The following MYO18B variants were observed in gnomAD, a reference collection of about 807,000 sequenced individuals.
MYO18B encodes the protein myosin XVIIIB, also known as unconventional myosin-XVIIIb.
MYO18B carries 204 observed loss-of-function variants against 273.0 expected under a neutral mutation model. The observed-to-expected ratio is 0.75, with a 90% CI of 0.67 to 0.84. The LOEUF is 0.84. Ranked by LOEUF, MYO18B falls within the 40% of genes least tolerant of loss-of-function variation. The pLI, the probability that MYO18B is intolerant of heterozygous loss-of-function variation, is 0.00. For synonymous variants in MYO18B, 1,330 were observed against 1,305.7 expected (o/e 1.02, Z -0.40); for missense variants, 3,212 against 3,287.6 (o/e 0.98, Z 0.56).
intron 39 of MYO18B, among the ~76,000 whole-genome samples, chr22:25,961,538 T>C (rs1051484793): frequency 3.3e-5 from 5 of 152,128 alleles, no homozygotes; most frequent in Middle Eastern, 3.2e-3. Flanking sequence ...ATGGAGAAAA[T>C]AATATTCTGG....
At chr22:25,823,439 C>G in intron 12 of MYO18B, 66 bp from the exon 13 acceptor site, 1 of 1,522,036 alleles carries the variant, frequency 6.6e-7, no homozygotes, top group Non-Finnish European at 8.9e-7. Context: ...CCGAGGTCCT[C>G]TCGGGTGTTC....
chr22:25,904,471 G>T (rs2092000348), intron 31 of MYO18B, among the ~76,000 whole-genome samples: 1 of 152,182 alleles, frequency 6.6e-6, no homozygotes, highest in Admixed American at 6.5e-5. Flanking sequence ...AAAGTATCAG[G>T]GATGGGATTT....
intron 21 of MYO18B, among the ~76,000 whole-genome samples, chr22:25,857,677 A>G (rs770372576): frequency 5.3e-5 from 8 of 152,188 alleles, no homozygotes; most frequent in Non-Finnish European, 8.8e-5. Context: ...TTTTTGAGAC[A>G]GAGTCTCGCT....
At chr22:25,833,032 T>C (rs1471615271) in intron 16 of MYO18B, 35 bp downstream of exon 16, 1 of 1,583,374 alleles carries the variant, frequency 6.3e-7, no homozygotes, top group African/African-American at 1.3e-5. Flanking sequence ...GGCTCTCAGA[T>C]GCCAGTTGGC....
At chr22:25,995,464 T>C (rs915392801) in intron 40 of MYO18B, among the ~76,000 whole-genome samples, 4 of 152,214 alleles carry the variant, frequency 2.6e-5, no homozygotes, top group African/African-American at 9.7e-5. Context: ...TTCCATGATA[T>C]GGTTGTTATG....
At chr22:25,910,511 C>CA (rs150661386) in intron 32 of MYO18B, among the ~76,000 whole-genome samples, 3,283 of 152,176 alleles carry the variant, frequency 0.022, 101 homozygotes, top group African/African-American at 0.076. Context: ...TTTATAACAC[C>CA]AAAAAATCTC....
intron 34 of MYO18B, among the ~76,000 whole-genome samples, chr22:25,932,830 T>G (rs565384934): frequency 1.3e-5 from 2 of 151,738 alleles, no homozygotes; most frequent in East Asian, 3.9e-4. Flanking sequence ...GCAAAGAATT[T>G]TTTTTTTTGT....
intron 17 of MYO18B, among the ~76,000 whole-genome samples, chr22:25,837,139 C>T (rs1470399284): frequency 1.3e-5 from 2 of 152,080 alleles, no homozygotes; most frequent in Non-Finnish European, 2.9e-5. Flanking sequence ...CAGCCACTGT[C>T]CTAGCCCAGG....
chr22:25,992,078 A>G (rs950799824), intron 39 of MYO18B, among the ~76,000 whole-genome samples: 5 of 152,198 alleles, frequency 3.3e-5, no homozygotes, highest in Non-Finnish European at 5.9e-5. Flanking sequence ...GATTCAGAGC[A>G]TGGCCCTGGG....
At chr22:25,933,349 C>T (rs2092533979) in intron 34 of MYO18B, among the ~76,000 whole-genome samples, 1 of 152,162 alleles carries the variant, frequency 6.6e-6, no homozygotes, top group Non-Finnish European at 1.5e-5. Context: ...CTGGCCCCAC[C>T]CTCCACCTGG....
intron 9 of MYO18B, among the ~76,000 whole-genome samples, chr22:25,781,263 C>A (rs1163111250): frequency 1.3e-5 from 2 of 152,082 alleles, no homozygotes; most frequent in Non-Finnish European, 2.9e-5. Context: ...TTGAGAAGTT[C>A]TGACGTGGAG....
intron 21 of MYO18B, 107 bp downstream of exon 21, chr22:25,851,686 A>G: frequency 1.2e-6 from 1 of 825,412 alleles, no homozygotes; most frequent in Non-Finnish European, 2.0e-6. Flanking sequence ...CTGTAATCTC[A>G]GTGCTTTGGG....
At chr22:25,775,901 A>G (rs2086896332) in intron 7 of MYO18B, among the ~76,000 whole-genome samples, 1 of 151,224 alleles carries the variant, frequency 6.6e-6, no homozygotes, top group African/African-American at 2.4e-5. Flanking sequence ...AAAAAAAATC[A>G]GGCTTACATT....
intron 29 of MYO18B, among the ~76,000 whole-genome samples, chr22:25,900,111 A>C (rs2091902407): frequency 6.6e-6 from 1 of 152,066 alleles, no homozygotes; most frequent in African/African-American, 2.4e-5. Flanking sequence ...GGCACTTATG[A>C]ATCTCCCCAG....
chr22:25,871,198 G>A (rs2091036274), intron 22 of MYO18B, among the ~76,000 whole-genome samples: 1 of 152,082 alleles, frequency 6.6e-6, no homozygotes, highest in Non-Finnish European at 1.5e-5. Flanking sequence ...CCACACCCAG[G>A]CTCCACCACT....
chr22:25,971,937 C>A (rs921167104), intron 39 of MYO18B, among the ~76,000 whole-genome samples: 4 of 151,434 alleles, frequency 2.6e-5, no homozygotes, highest in African/African-American at 9.7e-5. Context: ...TTCACTTAAC[C>A]TGAAAGGGCA....
intron 21 of MYO18B, among the ~76,000 whole-genome samples, chr22:25,861,698 T>G (rs1429877096): frequency 6.6e-6 from 1 of 152,218 alleles, no homozygotes; most frequent in Non-Finnish European, 1.5e-5. Context: ...CTTCACGCCT[T>G]CTTTTAGTCC....
At chr22:25,993,505 GT>G (rs1175425329) in intron 40 of MYO18B, among the ~76,000 whole-genome samples, 4 of 152,138 alleles carry the variant, frequency 2.6e-5, no homozygotes, top group African/African-American at 9.7e-5. Flanking sequence ...TGCGAAGGCT[GT>G]TTTTTTCTGC....
At chr22:25,866,332 T>C (rs759900263) in intron 21 of MYO18B, among the ~76,000 whole-genome samples, 1 of 152,174 alleles carries the variant, frequency 6.6e-6, no homozygotes, top group East Asian at 1.9e-4. Context: ...TATCTGAGAG[T>C]CCAAATCTCT....
Sources: gnomAD v4.1 joint callset for allele counts (sites outside exome capture counted in the v4.1 genomes callset) on GRCh38, gnomAD v4.1.1 for gene constraint, MANE v1.5 for transcripts, NCBI Gene and HGNC (gene_info 2026-07-23, HGNC 2026-07-21) for gene names.